NR6A1: variants seen among roughly 807,000 people sequenced by gnomAD.
The protein encoded by NR6A1 is nuclear receptor subfamily 6 group A member 1.
Under a neutral mutation model 59.1 loss-of-function variants are expected in NR6A1, and 7 were observed. That is an observed-to-expected ratio of 0.12 (90% confidence interval 0.07 to 0.22). NR6A1 has a LOEUF of 0.22. Ranked by LOEUF, NR6A1 falls within the 10% of genes least tolerant of loss-of-function variation. The probability of loss-of-function intolerance (pLI) is 1.00; values close to 1 mark genes in which losing one functional copy is unlikely to be tolerated. For missense variants in NR6A1, 468 were observed against 611.6 expected (o/e 0.77, Z 2.48); for synonymous variants, 243 against 236.1 (o/e 1.03, Z -0.27).
At chr9:124,683,998 A>C (rs867640351) in intron 2 of NR6A1, among the ~76,000 whole-genome samples, 8 of 152,316 alleles carry the variant, frequency 5.3e-5, no homozygotes, top group African/African-American at 1.7e-4. Flanking sequence ...GCAAAGTGGC[A>C]TTTTTGGAAA....
At chr9:124,547,496 G>A (rs1833633884) in intron 3 of NR6A1, among the ~76,000 whole-genome samples, 1 of 152,092 alleles carries the variant, frequency 6.6e-6, no homozygotes, top group African/African-American at 2.4e-5. Context: ...TTCTGTCTCT[G>A]CATATGTTGC....
At chr9:124,522,833 C>T (rs760146420) in intron 9 of NR6A1, 40 bp from the exon 10 acceptor site, 2 of 1,511,104 alleles carry the variant, frequency 1.3e-6, no homozygotes, top group Admixed American at 3.9e-5. Flanking sequence ...GCAGTGGTCA[C>T]TCTAGTGGAC....
intron 2 of NR6A1, among the ~76,000 whole-genome samples, chr9:124,592,376 T>C (rs1420579333): frequency 6.6e-6 from 1 of 152,212 alleles, no homozygotes; most frequent in Non-Finnish European, 1.5e-5. Flanking sequence ...TGTATGTCCA[T>C]GGAAAATGTC....
At chr9:124,554,669 A>AT in intron 2 of NR6A1, 99 bp from the exon 3 acceptor site, 2 of 1,493,832 alleles carry the variant, frequency 1.3e-6, no homozygotes, top group Non-Finnish European at 1.8e-6. Flanking sequence ...GACCACCACT[A>AT]TCTCCAGGCT....
chr9:124,694,778 C>A (rs1331668620), intron 2 of NR6A1, among the ~76,000 whole-genome samples: 1 of 152,046 alleles, frequency 6.6e-6, no homozygotes, highest in Non-Finnish European at 1.5e-5. Context: ...TTAGCCTTGA[C>A]AATTAAGCAA....
intron 1 of NR6A1, among the ~76,000 whole-genome samples, chr9:124,768,813 T>C (rs1173187672): frequency 6.6e-6 from 1 of 152,202 alleles, no homozygotes; most frequent in Non-Finnish European, 1.5e-5. Flanking sequence ...ACTATTATTC[T>C]CAAGTAGAAT....
Position 124,738,202 on chromosome 9 carries a change from G to A in NR6A1, c.101-4853C>T, listed in dbSNP as rs150087544. ...CTGGGAGGCGGAGGTTGCAGTGAGCGGAGATCGCGCCACTGTACTCCAGCC... is the reference window on the plus strand; with the variant it reads ...CTGGGAGGCGGAGGTTGCAGTGAGCAGAGATCGCGCCACTGTACTCCAGCC... On this transcript the variant is annotated intron_variant, in intron 1 of 9. Coordinates refer to ENST00000487099, the MANE Select transcript of NR6A1 (RefSeq NM_033334.4). Among the ~76,000 whole-genome samples the A allele has an allele frequency of 2.5e-3, 386 of 151,546 alleles. 1 individual carries two copies. Among genetic ancestry groups the A allele is most frequent in the South Asian group, 8.4e-3 (40 of 4,774 alleles).
rs527583548 is a variant in NR6A1, at chr9:124,665,676, A to T, written c.142+67632T>A. On this transcript the variant is annotated intron_variant, in intron 2 of 9. Coordinates refer to ENST00000487099, the MANE Select transcript of NR6A1 (RefSeq NM_033334.4). ...GTTCTCAGCAGTTACCATTTCCTTT[A>T]ATGACACATGCTATAATGATCATGA... Among the ~76,000 whole-genome samples the T allele has an allele frequency of 2.0e-5, 3 of 152,250 alleles. No individual in the cohort carries two copies. In the South Asian group the frequency reaches 6.2e-4, roughly 32 times the overall value.
At chr9:124,725,360 C>T (rs1382654736) in intron 2 of NR6A1, among the ~76,000 whole-genome samples, 1 of 151,582 alleles carries the variant, frequency 6.6e-6, no homozygotes, top group Non-Finnish European at 1.5e-5. Flanking sequence ...CTGAGCATGG[C>T]TGCCCATCTG....
intron 3 of NR6A1, among the ~76,000 whole-genome samples, chr9:124,552,957 C>T (rs1473082726): frequency 6.6e-6 from 1 of 152,128 alleles, no homozygotes; most frequent in Non-Finnish European, 1.5e-5. Flanking sequence ...TGCTATAAAA[C>T]CAGTTTGAAT....
chr9:124,538,280 T>G lies in NR6A1; in HGVS notation c.636A>C (p.Glu212Asp). The change falls in exon 6 of 10, where the codon GAA becomes GAC. Residue 212 changes from glutamate (E) to aspartate (D), a missense_variant. This residue lies in a region of NR6A1 where 151 missense variants were observed against 142.8 expected (regional missense o/e 1.06). Transcript: ENST00000487099. ...GAGGCACAGACATTCCCATGTACTG[T>G]TCCCTGAAGGCCATGAATCCATTCA... ...VELNGFMAFR[E>D]QYMGMSVPPH... is the part of the protein sequence containing the mutation. The G allele has an allele frequency of 2.5e-6, 4 of 1,614,172 alleles. No homozygotes were observed. Among genetic ancestry groups the G allele is most frequent in the Non-Finnish European group, 3.4e-6 (4 of 1,180,018 alleles).
At chr9:124,588,948 A>C (rs1465417490) in intron 2 of NR6A1, among the ~76,000 whole-genome samples, 1 of 150,786 alleles carries the variant, frequency 6.6e-6, no homozygotes, top group East Asian at 2.0e-4. Flanking sequence ...GAAAAAAAAA[A>C]CAGTATAATG....
At chr9:124,720,576 C>T (rs1010219299) in intron 2 of NR6A1, among the ~76,000 whole-genome samples, 1 of 152,148 alleles carries the variant, frequency 6.6e-6, no homozygotes, top group Non-Finnish European at 1.5e-5. Flanking sequence ...CAATGACTGT[C>T]GGCTCTCTTC....
chr9:124,656,637 G>A (rs1269372639), intron 2 of NR6A1, among the ~76,000 whole-genome samples: 2 of 152,100 alleles, frequency 1.3e-5, no homozygotes, highest in African/African-American at 4.8e-5. Flanking sequence ...TTCGAGACCA[G>A]CCTGGCCAAC....
At chr9:124,669,532 A>G (rs991305311) in intron 2 of NR6A1, among the ~76,000 whole-genome samples, 1 of 152,228 alleles carries the variant, frequency 6.6e-6, no homozygotes, top group Non-Finnish European at 1.5e-5. Flanking sequence ...ACCTGTTGAA[A>G]TATCACATGT....
chr9:124,601,479 G>T (rs1835446328), intron 2 of NR6A1, among the ~76,000 whole-genome samples: 2 of 151,618 alleles, frequency 1.3e-5, no homozygotes, highest in African/African-American at 2.4e-5. Flanking sequence ...AGCTACTCGG[G>T]GGGCTGAGGC....
chr9:124,623,590 G>C (rs866490764), intron 2 of NR6A1, among the ~76,000 whole-genome samples: 3 of 150,208 alleles, frequency 2.0e-5, no homozygotes, highest in Non-Finnish European at 4.4e-5. Flanking sequence ...TTCTGGGCTC[G>C]TGTGATGCTC....
At chr9:124,684,693 A>G (rs1838275340) in intron 2 of NR6A1, among the ~76,000 whole-genome samples, 1 of 152,238 alleles carries the variant, frequency 6.6e-6, no homozygotes, top group South Asian at 2.1e-4. Flanking sequence ...CTTTGATTAA[A>G]GAAAAGCGGT....
intron 2 of NR6A1, among the ~76,000 whole-genome samples, chr9:124,610,435 T>C (rs575937662): frequency 2.0e-5 from 3 of 152,340 alleles, no homozygotes; most frequent in African/African-American, 7.2e-5. Flanking sequence ...TAGCCTTGCA[T>C]CCTGGGGATG....
Sources: allele counts gnomAD v4.1 joint callset (sites outside exome capture counted in the v4.1 genomes callset), GRCh38; gene constraint gnomAD v4.1.1; regional missense constraint gnomAD v4.1.1; transcripts MANE v1.5; gene names NCBI Gene and HGNC (gene_info 2026-07-23, HGNC 2026-07-21).